CFAP221: variants seen among roughly 807,000 people sequenced by gnomAD.
CFAP221 encodes the protein cilia- and flagella-associated protein 221.
A neutral mutation model predicts 113.1 loss-of-function variants in CFAP221; 97 were observed. That is an observed-to-expected ratio of 0.86 (90% CI 0.73 to 1.02). CFAP221 has a LOEUF of 1.02. Among genes scored for constraint, CFAP221 ranks in the 50% least tolerant of loss-of-function variants. The pLI, the probability that CFAP221 is intolerant of heterozygous loss-of-function variation, is 0.00. For missense variants in CFAP221, 1,025 were observed against 1,013.4 expected (o/e 1.01, Z -0.16); for synonymous variants, 331 against 354.4 (o/e 0.93, Z 0.74).
downstream of CFAP221, among the ~76,000 whole-genome samples, chr2:119,657,675 T>C (rs910251750): frequency 6.6e-6 from 1 of 152,206 alleles, no homozygotes; most frequent in Non-Finnish European, 1.5e-5. Flanking sequence ...CCGTTCAGTG[T>C]TCCAGGAGTC....
At position 119,652,029 on chromosome 2, in the gene CFAP221, G is replaced by T. The variant is rs1451686351; in HGVS notation, c.2374G>T (p.Glu792Ter). The stretch of plus-strand genomic sequence containing the variant: ...GTTGACTCCAGAAATGATCAAAGTG[G>T]AATTCCCTATGTTGAACTACAAGGA... ...VMLTPEMIKV[E>*]FPMLNYKDIR... Residue 792 changes from glutamate to a stop codon, truncating the protein, a stop_gained, in exon 23 of 24, where the codon GAA (glutamate) becomes TAA (stop). Transcript: ENST00000413369. LOFTEE classifies it low-confidence loss of function (END_TRUNC). 1.9e-6 allele frequency: 3 copies of T among 1,613,522 alleles called. No homozygotes were observed. The highest frequency in any genetic ancestry group is 2.2e-5 in the East Asian group (1 of 44,834).
At chr2:119,561,036 C>T (rs2104539959) in intron 5 of CFAP221, among the ~76,000 whole-genome samples, 1 of 152,132 alleles carries the variant, frequency 6.6e-6, no homozygotes, top group African/African-American at 2.4e-5. Context: ...TGTGTGTAAT[C>T]CCTGCACTTT....
At chr2:119,604,818 G>A (rs372652619) in intron 9 of CFAP221, 26 bp downstream of exon 9, 116 of 1,599,158 alleles carry the variant, frequency 7.3e-5, no homozygotes, top group Non-Finnish European at 8.7e-5. Flanking sequence ...TCCTTGGTGC[G>A]ATGAAAGGGT....
intron 12 of CFAP221, among the ~76,000 whole-genome samples, chr2:119,609,863 A>G (rs1281170105): frequency 6.6e-6 from 1 of 152,224 alleles, no homozygotes; most frequent in Non-Finnish European, 1.5e-5. Flanking sequence ...TTTTCTTTCC[A>G]GATTTGGAGT....
chr2:119,551,595 G>A (rs753195240), intron 3 of CFAP221, among the ~76,000 whole-genome samples: 10 of 152,164 alleles, frequency 6.6e-5, no homozygotes, highest in Non-Finnish European at 1.2e-4. Flanking sequence ...CTGAACCCCC[G>A]GTTCTACTCC....
chr2:119,628,245 C>G (rs1186485745), intron 16 of CFAP221, among the ~76,000 whole-genome samples: 1 of 150,744 alleles, frequency 6.6e-6, no homozygotes, highest in African/African-American at 2.4e-5. Context: ...AACTGACAAT[C>G]TAACCCATCA....
In CFAP221 at chr2:119,646,998, C is replaced by G. The variant is rs1280905675; in HGVS notation, c.2266C>G (p.Pro756Ala). 1 of 1,613,874 alleles carries G rather than the reference C, an allele frequency of 6.2e-7. No homozygotes were observed. The highest frequency in any genetic ancestry group is 1.1e-5 in the South Asian group (1 of 91,052). ...FNSFMLPIDV[P>A]AILDALPEED... ...TTCATTTATGCTTCCGATAGACGTC[C>G]CTGCCATCCTTGATGCCTTACCAGA... Residue 756 changes from proline to alanine, a missense_variant, in exon 22 of 24, where the codon CCT becomes GCT. Transcript: ENST00000413369.
At chr2:119,622,918 A>C (rs1406338460) in intron 14 of CFAP221, among the ~76,000 whole-genome samples, 2 of 152,212 alleles carry the variant, frequency 1.3e-5, no homozygotes, top group African/African-American at 4.8e-5. Flanking sequence ...TATCATACTG[A>C]ATGGGCAAAA....
intron 6 of CFAP221, among the ~76,000 whole-genome samples, chr2:119,585,271 C>T (rs1446389446): frequency 6.6e-6 from 1 of 152,078 alleles, no homozygotes; most frequent in Non-Finnish European, 1.5e-5. Flanking sequence ...AGTAATATTA[C>T]TAGAATGCAT....
At chr2:119,634,044 G>C (rs1215324540) in intron 19 of CFAP221, among the ~76,000 whole-genome samples, 1 of 152,134 alleles carries the variant, frequency 6.6e-6, no homozygotes, top group African/African-American at 2.4e-5. Flanking sequence ...GGAGTTCAAG[G>C]CTGCAGTAAG....
chr2:119,653,549 T>G (rs372827074), intron 23 of CFAP221, among the ~76,000 whole-genome samples: 2 of 152,212 alleles, frequency 1.3e-5, no homozygotes, highest in East Asian at 3.8e-4. Flanking sequence ...CATAATTTAT[T>G]TAATCAACAA....
In CFAP221 at chr2:119,638,432, A is replaced by C. The variant is rs952948097; in HGVS notation, c.2133+15A>C. 1 of 1,614,032 alleles carries C rather than the reference A, an allele frequency of 6.2e-7. No individual in the cohort carries two copies. Among genetic ancestry groups the C allele is most frequent in the Non-Finnish European group, 8.5e-7 (1 of 1,179,936 alleles). The stretch of plus-strand genomic sequence containing the variant: ...TCCATCACACGGTAATGTCATCACC[A>C]GGCTCACTGGCAGAGTGACCCTGGG... On this transcript the variant is annotated intron_variant, in intron 20 of 23. Transcript: ENST00000413369.
At chr2:119,568,100 A>G (rs924234042) in intron 6 of CFAP221, among the ~76,000 whole-genome samples, 8 of 152,148 alleles carry the variant, frequency 5.3e-5, no homozygotes, top group Admixed American at 1.3e-4. Context: ...CCTCTCATGT[A>G]TAACTGCTGT....
At position 119,559,919 on chromosome 2, in the gene CFAP221, G is replaced by A. The variant is rs749658208; in HGVS notation, c.328-9G>A. 6.5e-6 allele frequency: 10 copies of A among 1,533,964 alleles called. No individual in the cohort carries two copies. Among genetic ancestry groups the A allele is most frequent in the African/African-American group, 1.4e-5 (1 of 73,052 alleles). Reference sequence around the variant, plus strand: ...GGCTTGTCCCAACAAGATGCCACCTGTCTTCCAGGAACACCACCTGGTCCC... The same window carrying A: ...GGCTTGTCCCAACAAGATGCCACCTATCTTCCAGGAACACCACCTGGTCCC... On this transcript the variant is annotated splice_polypyrimidine_tract_variant and intron_variant, in intron 4 of 23. Transcript: ENST00000413369.
intron 6 of CFAP221, among the ~76,000 whole-genome samples, chr2:119,579,120 C>G (rs986139141): frequency 6.6e-6 from 1 of 151,824 alleles, no homozygotes; most frequent in Non-Finnish European, 1.5e-5. Flanking sequence ...CTATGTATAG[C>G]CTTAGCATAA....
intron 13 of CFAP221, among the ~76,000 whole-genome samples, chr2:119,615,034 A>G (rs935297631): frequency 6.6e-6 from 1 of 152,210 alleles, no homozygotes; most frequent in African/African-American, 2.4e-5. Context: ...GCATAAGCCA[A>G]AGTAAGACTG....
chr2:119,647,013 G>A lies in CFAP221; in HGVS notation c.2281G>A (p.Ala761Thr), dbSNP rs931919961. 2 of 1,612,560 alleles carry A rather than the reference G, an allele frequency of 1.2e-6. No individual in the cohort carries two copies. The highest frequency in any genetic ancestry group is 1.7e-6 in the Non-Finnish European group (2 of 1,179,630). The change falls in exon 22 of 24, where the codon GCC becomes ACC. Residue 761 changes from alanine (A) to threonine (T), a missense_variant. Ala to Thr is a moderately conservative substitution (Grantham distance 58). Coordinates refer to ENST00000413369, the MANE Select transcript of CFAP221 (RefSeq NM_001271049.2). ...LPIDVPAILD[A>T]LPEEDRLETV... Reference sequence around the variant, plus strand: ...GATAGACGTCCCTGCCATCCTTGATGCCTTACCAGAAGAGGACAGACTAGA... The same window carrying A: ...GATAGACGTCCCTGCCATCCTTGATACCTTACCAGAAGAGGACAGACTAGA...
intron 17 of CFAP221, 151 bp downstream of exon 17, chr2:119,630,106 A>G: frequency 5.8e-6 from 4 of 690,248 alleles, no homozygotes. Flanking sequence ...TATGGGAGGT[A>G]CAGCAGATTC....
intron 3 of CFAP221, among the ~76,000 whole-genome samples, chr2:119,554,225 G>GT (rs1247668223): frequency 6.6e-6 from 1 of 152,164 alleles, no homozygotes; most frequent in Non-Finnish European, 1.5e-5. Flanking sequence ...GACTGAATGT[G>GT]TATTTAAAAC....
Sources: gnomAD v4.1 joint callset for allele counts (sites outside exome capture counted in the v4.1 genomes callset) on GRCh38, gnomAD v4.1.1 for gene constraint, MANE v1.5 for transcripts, NCBI Gene and HGNC (gene_info 2026-07-23, HGNC 2026-07-21) for gene names.